The following PLXND1 variants were observed in gnomAD, a reference collection of about 807,000 sequenced individuals.
PLXND1 encodes the protein plexin-D1.
In PLXND1, 54 loss-of-function variants were observed where a neutral mutation model predicts 197.7. That is an observed-to-expected ratio of 0.27 (90% CI 0.22 to 0.34). PLXND1 has a LOEUF of 0.34. PLXND1 is among the 10% of genes least tolerant of loss of function. PLXND1 has a pLI of 1.00. For synonymous variants in PLXND1, 1,180 were observed against 1,161.2 expected, an observed-to-expected ratio of 1.02 and a Z score of -0.33; for missense variants, 2,127 against 2,699.2, an observed-to-expected ratio of 0.79 and a Z score of 4.70.
intron 12 of PLXND1, among the ~76,000 whole-genome samples, 154 bp from the exon 13 acceptor site, chr3:129,573,899 A>G (rs571583204): frequency 6.6e-6 from 1 of 152,310 alleles, no homozygotes; most frequent in East Asian, 1.9e-4. Context: ...GACTGTGGCC[A>G]CTTGGCAGGT....
At position 129,605,557 on chromosome 3, in the gene PLXND1, G is replaced by C; in HGVS notation, c.1083C>G (p.Val361=). The C allele has an allele frequency of 6.5e-7, 1 of 1,530,424 alleles. No homozygotes were observed. Among genetic ancestry groups the C allele is most frequent in the South Asian group, 1.2e-5 (1 of 83,320 alleles). The allele number at this position is 1,530,424 out of a possible 1,614,324, so 94.8% of individuals were successfully genotyped here. A position where few individuals can be genotyped will look rare whatever the true frequency, so the allele number is the denominator to read the frequency against. Residue 361 remains valine (V), a synonymous_variant, in exon 1 of 36, where the codon GTC becomes GTG. Transcript: ENST00000324093. ...RGDLYSRLVS[V]FPARERLFAV... ...CAAAGAGCCGCTCCCGGGCTGGGAA[G>C]ACCGACACCAGGCGGCTGTAGAGGT...
At chr3:129,595,108 GT>G (rs753100580) in intron 1 of PLXND1, among the ~76,000 whole-genome samples, 1 of 140,818 alleles carries the variant, frequency 7.1e-6, no homozygotes, top group Non-Finnish European at 1.5e-5. Context: ...TGGAGCCCAT[GT>G]GGCACGGGCT....
rs865805263 is a variant in PLXND1, at chr3:129,606,278, G to A, written c.362C>T (p.Thr121Met). 3.3e-6 allele frequency: 5 copies of A among 1,537,360 alleles called. No homozygotes were observed. Among genetic ancestry groups the A allele is most frequent in the Admixed American group, 4.1e-5 (2 of 48,944 alleles). Residue 121 changes from threonine to methionine, a missense_variant, in exon 1 of 36, where the codon ACG (threonine) becomes ATG (methionine). Coordinates refer to ENST00000324093, the MANE Select transcript of PLXND1 (RefSeq NM_015103.3). ...QASCEHPRRL[T>M]DNYNKILQLD... ...CTGCAGGATCTTGTTGTAGTTGTCC[G>A]TGAGGCGCCGCGGGTGCTCGCACGA...
In PLXND1 at chr3:129,578,361, G is replaced by T; in HGVS notation, c.2314C>A (p.Leu772Met). 6.2e-7 allele frequency: 1 copy of T among 1,607,008 alleles called. No homozygotes were observed. Among genetic ancestry groups the T allele is most frequent in the Non-Finnish European group, 8.5e-7 (1 of 1,177,334 alleles). The stretch of plus-strand genomic sequence containing the variant: ...AAGGCAGTGTTGGCCAGAGGCACCA[G>T]GATGTTCTGGGAGCCACCCGTAGGC... ...PVPTGGSQNI[L>M]VPLANTAFFQ... The change falls in exon 9 of 36, where the codon CTG (leucine) becomes ATG (methionine). Residue 772 changes from leucine to methionine, a missense_variant. By Grantham distance (15) the Leu-to-Met change is conservative. Transcript: ENST00000324093.
rs139061355 is a variant in PLXND1, at chr3:129,572,302, G to A, written c.3077+307C>T. Among the ~76,000 whole-genome samples, 323 of 152,276 alleles carry A rather than the reference G, an allele frequency of 2.1e-3. 1 individual carries two copies. The highest frequency in any genetic ancestry group is 7.4e-3 in the African/African-American group (308 of 41,548). Reference sequence around the variant, plus strand: ...GCCAACAGACTCCAACCACACCCCTGCCACTCACCACACCCCTGGGCCAGC... The same window carrying A: ...GCCAACAGACTCCAACCACACCCCTACCACTCACCACACCCCTGGGCCAGC... On this transcript the variant is annotated intron_variant, in intron 15 of 35. Transcript: ENST00000324093.
chr3:129,559,224 T>G, intron 32 of PLXND1: 1 of 167,540 alleles, frequency 6.0e-6, no homozygotes, highest in South Asian at 2.0e-4. Flanking sequence ...GGGTAAGAGA[T>G]TCAGATAATG....
chr3:129,579,763 G>A (rs999571255), intron 8 of PLXND1, among the ~76,000 whole-genome samples: 1 of 152,240 alleles, frequency 6.6e-6, no homozygotes, highest in Admixed American at 6.5e-5. Context: ...AAGCGTCCAT[G>A]GGCCACGTGT....
In PLXND1 at chr3:129,564,710, T is replaced by C. The variant is rs372491997; in HGVS notation, c.4521+630A>G. Among the ~76,000 whole-genome samples the C allele has an allele frequency of 1.8e-4, 27 of 152,338 alleles. 1 individual carries two copies. The South Asian group carries it at 5.6e-3, about 32-fold the overall frequency. On this transcript the variant is annotated intron_variant, in intron 25 of 35. Transcript: ENST00000324093. ...GGCCCTGGTTACCGGGCCCACCCTC[T>C]TCCCAGCCTCCGCTCTCATCCAGAA...
intron 20 of PLXND1, 131 bp downstream of exon 20, chr3:129,569,712 T>C: frequency 1.5e-6 from 1 of 646,496 alleles, no homozygotes; most frequent in Non-Finnish European, 2.8e-6. Context: ...CCTAACCTGT[T>C]CCCATGGCCA....
chr3:129,567,328 C>G (rs1327750503), intron 22 of PLXND1, among the ~76,000 whole-genome samples, 164 bp downstream of exon 22: 4 of 152,192 alleles, frequency 2.6e-5, no homozygotes, highest in Non-Finnish European at 5.9e-5. Context: ...CTGCCTCCAA[C>G]CCTTCTCCCC....
chr3:129,578,852 C>T (rs1182385776), intron 8 of PLXND1, among the ~76,000 whole-genome samples: 1 of 152,202 alleles, frequency 6.6e-6, no homozygotes, highest in Non-Finnish European at 1.5e-5. Context: ...ACTCCAGCTT[C>T]CTGACTGACC....
intron 23 of PLXND1, chr3:129,566,239 C>T: frequency 1.7e-6 from 1 of 602,036 alleles, no homozygotes; most frequent in Non-Finnish European, 3.0e-6. Context: ...AACCTGGCAT[C>T]CCAGTGTGGA....
At chr3:129,568,109 G>A (rs1011506323) in intron 20 of PLXND1, among the ~76,000 whole-genome samples, 10 of 152,140 alleles carry the variant, frequency 6.6e-5, no homozygotes, top group Non-Finnish European at 1.2e-4. Flanking sequence ...AAAAGAAACA[G>A]GAATACGTGT....
rs1578296855 is a variant in PLXND1 at position 129,555,718 on chromosome 3, A to G, written c.*594T>C. 1 of 522,236 alleles carries G rather than the reference A, an allele frequency of 1.9e-6. No individual in the cohort carries two copies. Among genetic ancestry groups the G allele is most frequent in the Admixed American group, 3.9e-5 (1 of 25,440 alleles). 32.4% of individuals were successfully genotyped at this position (522,236 alleles called of 1,614,324 possible). Reference sequence around the variant, plus strand: ...CTGCTCCTGGAGAAGCCCACAGAGCACCCCATGGCGCGGGCACTGCCCACT... The same window carrying G: ...CTGCTCCTGGAGAAGCCCACAGAGCGCCCCATGGCGCGGGCACTGCCCACT... On this transcript the variant is annotated 3_prime_UTR_variant, in exon 36 of 36. Transcript: ENST00000324093.
At chr3:129,567,175 G>C (rs2085152611) in intron 22 of PLXND1, among the ~76,000 whole-genome samples, 1 of 151,702 alleles carries the variant, frequency 6.6e-6, no homozygotes, top group East Asian at 1.9e-4. Flanking sequence ...GAAGGAGAGA[G>C]GCTGGCCTGG....
intron 18 of PLXND1, 38 bp from the exon 19 acceptor site, chr3:129,570,973 G>T (rs753835919): frequency 6.2e-7 from 1 of 1,613,848 alleles, no homozygotes; most frequent in Non-Finnish European, 8.5e-7. Flanking sequence ...ATGGGGAAGT[G>T]CTCCCGAGGC....
chr3:129,561,981 G>T (rs2085069177), intron 27 of PLXND1, 78 bp from the exon 28 acceptor site: 3 of 900,638 alleles, frequency 3.3e-6, no homozygotes, highest in Admixed American at 3.5e-5. Context: ...CAGCCACATA[G>T]GGAGAGGCCT....
rs772971631 is a variant in PLXND1, at chr3:129,556,417, C to T, written c.5673G>A (p.Ala1891=). 2.6e-5 allele frequency: 42 copies of T among 1,613,708 alleles called. No individual in the cohort carries two copies. Among genetic ancestry groups the T allele is most frequent in the Non-Finnish European group, 3.2e-5 (38 of 1,179,718 alleles). ...TCCGGGCCGTGGGGTTGGCCTCCAG[C>T]GCGGCCATGATCTGAGGGGAGCAGC... ...AKRYRPQIMA[A]LEANPTARRT... is the part of the protein sequence containing the mutation. Residue 1891 remains alanine (A), a synonymous_variant, in exon 36 of 36, where the codon GCG becomes GCA. Transcript: ENST00000324093.
intron 25 of PLXND1, among the ~76,000 whole-genome samples, chr3:129,563,476 C>T (rs75649879): frequency 5.9e-5 from 9 of 152,356 alleles, no homozygotes; most frequent in Admixed American, 2.0e-4. Flanking sequence ...CTTCCGGATA[C>T]GGAGTATCAT....
Sources: allele counts gnomAD v4.1 joint callset (sites outside exome capture counted in the v4.1 genomes callset), GRCh38; gene constraint gnomAD v4.1.1; transcripts MANE v1.5; gene names NCBI Gene and HGNC (gene_info 2026-07-23, HGNC 2026-07-21).